Variants in BEGAIN observed in about 807,000 individuals in gnomAD.
BEGAIN encodes the protein brain enriched guanylate kinase associated.
BEGAIN carries 19 observed loss-of-function variants against 35.8 expected under a neutral mutation model. The ratio of observed to expected loss-of-function variants is 0.53; its 90% CI spans 0.37 to 0.78. The LOEUF is 0.78. Among genes scored for constraint, BEGAIN ranks in the 30% least tolerant of loss-of-function variants. BEGAIN has a pLI of 0.00. For missense variants in BEGAIN, 795 were observed against 853.6 expected, an observed-to-expected ratio of 0.93 and a Z score of 0.85; for synonymous variants, 462 against 388.6, an observed-to-expected ratio of 1.19 and a Z score of -2.22.
At chr14:100,583,194 G>A (rs1485868798) in intron 1 of BEGAIN, among the ~76,000 whole-genome samples, 2 of 151,442 alleles carry the variant, frequency 1.3e-5, no homozygotes, top group Admixed American at 6.6e-5. Context: ...CTTGTGTCTC[G>A]TATCCATGCA....
At chr14:100,587,214 C>T (rs2035465299) in intron 1 of BEGAIN, 35 bp downstream of exon 1, 2 of 184,572 alleles carry the variant, frequency 1.1e-5, no homozygotes, top group Admixed American at 6.2e-5. Context: ...CGCGCCCGCG[C>T]CCGCGCCCTG....
At chr14:100,543,605 AG>A (rs941203202) in intron 5 of BEGAIN, among the ~76,000 whole-genome samples, 1 of 152,216 alleles carries the variant, frequency 6.6e-6, no homozygotes, top group Admixed American at 6.5e-5. Context: ...CTTACAGCAG[AG>A]GGTCTGTTTA....
At chr14:100,561,822 G>T (rs758489288) in intron 2 of BEGAIN, among the ~76,000 whole-genome samples, 5 of 152,152 alleles carry the variant, frequency 3.3e-5, no homozygotes, top group Non-Finnish European at 7.4e-5. Flanking sequence ...CCATCAGGGA[G>T]GCAGGCCTTG....
chr14:100,556,540 C>T (rs2033741549), intron 2 of BEGAIN, among the ~76,000 whole-genome samples: 1 of 152,210 alleles, frequency 6.6e-6, no homozygotes, highest in Non-Finnish European at 1.5e-5. Context: ...CTTCCCTGAA[C>T]TTTGGTTCAC....
intron 1 of BEGAIN, among the ~76,000 whole-genome samples, chr14:100,574,873 A>T (rs3924494): frequency 0.051 from 7,786 of 152,184 alleles, 703 homozygotes; most frequent in African/African-American, 0.18. Context: ...TCATGACCCC[A>T]CCCAGGGCCA....
chr14:100,565,402 C>G (rs1049198606), intron 2 of BEGAIN, among the ~76,000 whole-genome samples: 2 of 152,170 alleles, frequency 1.3e-5, no homozygotes, highest in Non-Finnish European at 2.9e-5. Flanking sequence ...GAAGAGAGAC[C>G]CCTCAATGTA....
chr14:100,546,621 G>A lies in BEGAIN; in HGVS notation c.113C>T (p.Ser38Phe). 1 of 1,586,032 alleles carries A rather than the reference G, an allele frequency of 6.3e-7. No individual in the cohort carries two copies. The highest frequency in any genetic ancestry group is 8.5e-7 in the Non-Finnish European group (1 of 1,170,094). The change falls in exon 3 of 7, where the codon TCC (serine) becomes TTC (phenylalanine). Residue 38 changes from serine (S) to phenylalanine (F), a missense_variant. Coordinates refer to ENST00000554140, the MANE Select transcript of BEGAIN (RefSeq NM_001385089.1). ...CTTCTCGAGCTTGTGTGTGGTGTAGGACAGCCGCTTGCGCAGCTCGCCCTT... is the reference window on the plus strand; with the variant it reads ...CTTCTCGAGCTTGTGTGTGGTGTAGAACAGCCGCTTGCGCAGCTCGCCCTT... ...EQKGELRKRL[S>F]YTTHKLEKLE...
At chr14:100,556,256 C>A (rs1271795035) in intron 2 of BEGAIN, among the ~76,000 whole-genome samples, 1 of 152,178 alleles carries the variant, frequency 6.6e-6, no homozygotes, top group Non-Finnish European at 1.5e-5. Context: ...GCCACTGCTC[C>A]CTCCTGCCTG....
At chr14:100,539,598 G>A (rs1008586706) in intron 6 of BEGAIN, among the ~76,000 whole-genome samples, 6 of 152,078 alleles carry the variant, frequency 3.9e-5, no homozygotes, top group Non-Finnish European at 7.4e-5. Context: ...AGCTGCAGTC[G>A]CCTGGAGAAG....
intron 2 of BEGAIN, among the ~76,000 whole-genome samples, chr14:100,552,400 G>A (rs1003064090): frequency 6.6e-5 from 10 of 152,192 alleles, no homozygotes; most frequent in African/African-American, 2.2e-4. Flanking sequence ...GGCGTGGAGG[G>A]CATCCCATCC....
chr14:100,568,176 C>T lies in BEGAIN; in HGVS notation c.43-237G>A, dbSNP rs941642569. On this transcript the variant is annotated intron_variant, in intron 1 of 6. Coordinates refer to ENST00000554140, the MANE Select transcript of BEGAIN (RefSeq NM_001385089.1). The surrounding 1 kb of genome is among the most constrained non-coding windows in gnomAD (Gnocchi z 7.5). ...CGCCCGGGCCGCCGCGCTCCCCGCA[C>T]CGAGTTACGCCCCCCGGGGCGAAGA... 1.2e-6 allele frequency: 1 copy of T among 840,996 alleles called. No homozygotes were observed. Among genetic ancestry groups the T allele is most frequent in the Admixed American group, 6.1e-5 (1 of 16,474 alleles). 52.1% of individuals were successfully genotyped at this position (840,996 alleles called of 1,614,324 possible).
In BEGAIN at chr14:100,563,318, A is replaced by G. The variant is rs781480216; in HGVS notation, c.71+4593T>C. Among the ~76,000 whole-genome samples, 5 of 152,264 alleles carry G rather than the reference A, an allele frequency of 3.3e-5. No homozygotes were observed. The highest frequency in any genetic ancestry group is 2.0e-4 in the Admixed American group (3 of 15,288). ...CCAAGTTCAAGTGGATGAAAAGCCA[A>G]TAGCCTCAGTTCTTCAGGAGGGTTC... On this transcript the variant is annotated intron_variant, in intron 2 of 6. Transcript: ENST00000554140. This position sits in a 1 kb window ranked among gnomAD's most constrained non-coding sequence, Gnocchi z 4.2.
rs575245517 is a variant in BEGAIN, at chr14:100,568,890, G to A, written c.43-951C>T. ...ACAGGGGTCCGAGCTCAGGGACCAC[G>A]CGACAGACCTGGGAAGACTGATGAC... On this transcript the variant is annotated intron_variant, in intron 1 of 6. Transcript: ENST00000554140. This position sits in a 1 kb window ranked among gnomAD's most constrained non-coding sequence, Gnocchi z 7.5. 6 of 985,270 alleles carry A rather than the reference G, an allele frequency of 6.1e-6. No individual in the cohort carries two copies. Among genetic ancestry groups the A allele is most frequent in the South Asian group, 9.4e-5 (2 of 21,328 alleles). The allele number at this position is 985,270 out of a possible 1,614,324, so 61.0% of individuals were successfully genotyped here.
At chr14:100,559,483 C>T (rs2034049113) in intron 2 of BEGAIN, among the ~76,000 whole-genome samples, 1 of 152,260 alleles carries the variant, frequency 6.6e-6, no homozygotes, top group African/African-American at 2.4e-5. Flanking sequence ...CGCCTGCCAC[C>T]TGCCCTGGTG....
intron 2 of BEGAIN, among the ~76,000 whole-genome samples, chr14:100,562,648 C>A (rs1200353440): frequency 1.3e-5 from 2 of 151,972 alleles, no homozygotes; most frequent in Admixed American, 6.5e-5. Context: ...TGGCCACCAG[C>A]CCTTGCTGTT....
intron 2 of BEGAIN, among the ~76,000 whole-genome samples, chr14:100,564,526 G>A (rs1360992931): frequency 1.3e-5 from 2 of 152,156 alleles, no homozygotes; most frequent in African/African-American, 4.8e-5. Context: ...CTGAGCACAC[G>A]GAGAGCCAGC....
intron 6 of BEGAIN, 31 bp from the exon 7 acceptor site, chr14:100,539,346 G>C: frequency 6.6e-7 from 1 of 1,523,734 alleles, no homozygotes. Flanking sequence ...GGGACGGCGG[G>C]TACAGGGTCA....
chr14:100,566,336 T>C (rs1385625495), intron 2 of BEGAIN, among the ~76,000 whole-genome samples: 2 of 152,104 alleles, frequency 1.3e-5, no homozygotes, highest in Non-Finnish European at 2.9e-5. Context: ...CCGGGCGGGG[T>C]CATGCCTCTG....
In BEGAIN at chr14:100,567,987, C is replaced by T. The variant is rs2034854837; in HGVS notation, c.43-48G>A. 5 of 1,394,674 alleles carry T rather than the reference C, an allele frequency of 3.6e-6. No individual in the cohort carries two copies. The highest frequency in any genetic ancestry group is 2.3e-4 in the Middle Eastern group (1 of 4,380). 86.4% of individuals were successfully genotyped at this position (1,394,674 alleles called of 1,614,324 possible). A position where few individuals can be genotyped will look rare whatever the true frequency, so the allele number is the denominator to read the frequency against. ...GTCAGCAGGCAGGAGGCGTGCGCTCCGCGGCCGCGCCGGGCAGAGCCGGGC... is the reference window on the plus strand; with the variant it reads ...GTCAGCAGGCAGGAGGCGTGCGCTCTGCGGCCGCGCCGGGCAGAGCCGGGC... On this transcript the variant is annotated intron_variant, in intron 1 of 6. Coordinates refer to ENST00000554140, the MANE Select transcript of BEGAIN (RefSeq NM_001385089.1). The surrounding 1 kb of genome is among the most constrained non-coding windows in gnomAD (Gnocchi z 5.1).
Sources: allele counts gnomAD v4.1 joint callset (sites outside exome capture counted in the v4.1 genomes callset), GRCh38; gene constraint gnomAD v4.1.1; non-coding constraint Gnocchi (gnomAD v3.1); transcripts MANE v1.5; gene names NCBI Gene and HGNC (gene_info 2026-07-23, HGNC 2026-07-21).